CADPS2: variants seen among roughly 807,000 people sequenced by gnomAD.
CADPS2 encodes the protein calcium dependent secretion activator 2.
Under a neutral mutation model 172.5 loss-of-function variants are expected in CADPS2, and 93 were observed. That is an observed-to-expected ratio of 0.54 (90% CI 0.46 to 0.64). The LOEUF is 0.64. Ranked by LOEUF, CADPS2 falls within the 30% of genes least tolerant of loss-of-function variation. The pLI is 0.00. For missense variants in CADPS2, 1,420 were observed against 1,565.9 expected (o/e 0.91, Z 1.57); for synonymous variants, 546 against 555.2 (o/e 0.98, Z 0.23).
In CADPS2 at chr7:122,800,095, A is replaced by C. The variant is rs555642536; in HGVS notation, c.340-63027T>G. On this transcript the variant is annotated intron_variant, in intron 1 of 29. Transcript: ENST00000449022. ...CAAGTGGAAAAGTAGCATTTACATAAAAGATATTATTTTACTATCTACTAG... is the reference window on the plus strand; with the variant it reads ...CAAGTGGAAAAGTAGCATTTACATACAAGATATTATTTTACTATCTACTAG... 7.2e-5 allele frequency among the ~76,000 whole-genome samples: 11 copies of C among 152,354 alleles called. No homozygotes were observed. In the East Asian group the frequency reaches 1.9e-3, roughly 27 times the overall value.
Position 122,490,095 on chromosome 7 carries a change from G to T in CADPS2, c.1838C>A (p.Ala613Glu). 6.2e-7 allele frequency: 1 copy of T among 1,613,214 alleles called. No individual in the cohort carries two copies. The highest frequency in any genetic ancestry group is 1.1e-5 in the South Asian group (1 of 91,068). ...ACAAAACTTACAAAGCTGAGCATCT[G>T]CATGGAGAGTTCCTCCTTTAGGATT... is the stretch of plus-strand genomic sequence containing the variant. ...KLNPKGGTLH[A>E]DAQLSGKDAD... Residue 613 changes from alanine (A) to glutamate (E), a missense_variant, in exon 11 of 30, where the codon GCA (alanine) becomes GAA (glutamate). By Grantham distance (107) the Ala-to-Glu change is moderately radical. Transcript: ENST00000449022.
chr7:122,733,797 T>C (rs1173308862), intron 2 of CADPS2, among the ~76,000 whole-genome samples: 1 of 152,016 alleles, frequency 6.6e-6, no homozygotes, highest in East Asian at 1.9e-4. Flanking sequence ...TTTATTTGCA[T>C]AAGTGGACCT....
intron 6 of CADPS2, among the ~76,000 whole-genome samples, chr7:122,614,714 G>A (rs969246909): frequency 6.6e-5 from 10 of 152,120 alleles, no homozygotes; most frequent in East Asian, 1.9e-4. Flanking sequence ...TGCGGTAGTC[G>A]TACATTAACT....
At chr7:122,790,559 A>AACAGGAACT (rs1449372494) in intron 1 of CADPS2, among the ~76,000 whole-genome samples, 9 of 152,188 alleles carry the variant, frequency 5.9e-5, no homozygotes, top group Non-Finnish European at 1.3e-4. Context: ...ATAAATTTAA[A>AACAGGAACT]ACAGGAACTA....
chr7:122,720,654 T>A (rs750088618), intron 2 of CADPS2, among the ~76,000 whole-genome samples: 2 of 150,926 alleles, frequency 1.3e-5, no homozygotes, highest in Admixed American at 6.6e-5. Flanking sequence ...AGAGCGAGAG[T>A]GAGAGCCCGT....
intron 1 of CADPS2, among the ~76,000 whole-genome samples, chr7:122,774,277 C>T (rs1374401388): frequency 1.1e-5 from 1 of 92,120 alleles, no homozygotes; most frequent in African/African-American, 5.0e-5. Context: ...TATACACACA[C>T]ACACACACAC....
At chr7:122,623,236 T>A (rs1278144541) in intron 4 of CADPS2, among the ~76,000 whole-genome samples, 2 of 34,752 alleles carry the variant, frequency 5.8e-5, no homozygotes, top group African/African-American at 2.4e-4. Context: ...TTTCCTTTAG[T>A]GGGGCGGGGG....
chr7:122,551,175 T>C (rs531634090), intron 8 of CADPS2, among the ~76,000 whole-genome samples: 3 of 152,232 alleles, frequency 2.0e-5, no homozygotes, highest in South Asian at 4.1e-4. Flanking sequence ...CTAAACACCA[T>C]TTATTTCATT....
chr7:122,794,716 G>A (rs1309978598), intron 1 of CADPS2, among the ~76,000 whole-genome samples: 1 of 146,898 alleles, frequency 6.8e-6, no homozygotes, highest in Non-Finnish European at 1.5e-5. Flanking sequence ...ATAATCAGAA[G>A]TAAAACACTC....
At chr7:122,588,810 T>G (rs1261369018) in intron 6 of CADPS2, among the ~76,000 whole-genome samples, 2 of 151,934 alleles carry the variant, frequency 1.3e-5, no homozygotes, top group Non-Finnish European at 2.9e-5. Context: ...TTTCATTGAC[T>G]CATATTTGGT....
chr7:122,858,136 GATTGGTCCATTTTACATAGTGCCA>G (rs1159346173), intron 1 of CADPS2, among the ~76,000 whole-genome samples: 6 of 152,148 alleles, frequency 3.9e-5, no homozygotes, highest in South Asian at 2.1e-4. Context: ...ACAGAGTGCC[GATTGGTCCATTTTACATAGTGCCA>G]ATTGGTCCAT....
At chr7:122,768,562 T>G (rs1044394518) in intron 1 of CADPS2, among the ~76,000 whole-genome samples, 2 of 152,246 alleles carry the variant, frequency 1.3e-5, no homozygotes, top group Non-Finnish European at 2.9e-5. Context: ...ACAAAGAGGA[T>G]TCTGACTTTC....
rs558421546 is a variant in CADPS2, at chr7:122,734,356, TAAAAAAAAAAAAAAAA to T, written c.453+2583_453+2598del. On this transcript the variant is annotated intron_variant, in intron 2 of 29. Transcript: ENST00000449022. ...AATAACGATAGCATGCCAGAAATAG[TAAAAAAAAAAAAAAAA>T]AAAAAAAAAAAAAAGAAAAAAAAAA... Among the ~76,000 whole-genome samples, 208 of 46,294 alleles carry T rather than the reference TAAAAAAAAAAAAAAAA, an allele frequency of 4.5e-3. 1 individual carries two copies. The highest frequency in any genetic ancestry group is 6.1e-3 in the Non-Finnish European group (167 of 27,254). 30.4% of individuals were successfully genotyped at this position (46,294 alleles called of 152,430 possible).
At chr7:122,875,236 T>C (rs1290364888) in intron 1 of CADPS2, among the ~76,000 whole-genome samples, 1 of 152,212 alleles carries the variant, frequency 6.6e-6, no homozygotes, top group Admixed American at 6.5e-5. Context: ...TCAATCTCTC[T>C]GATAAACTCC....
chr7:122,458,100 T>A (rs2054007340), intron 14 of CADPS2, among the ~76,000 whole-genome samples: 1 of 152,180 alleles, frequency 6.6e-6, no homozygotes, highest in African/African-American at 2.4e-5. Context: ...CTGCTTCTGC[T>A]ACGAGGAATG....
intron 2 of CADPS2, chr7:122,676,639 T>C: frequency 6.8e-7 from 1 of 1,473,186 alleles, no homozygotes; most frequent in Non-Finnish European, 9.4e-7. Context: ...TCAGCTCAAG[T>C]ACCATCTGGA....
chr7:122,393,623 A>G (rs764647855), intron 20 of CADPS2, 41 bp from the exon 21 acceptor site: 40 of 1,609,400 alleles, frequency 2.5e-5, no homozygotes, highest in Non-Finnish European at 3.1e-5. Context: ...CAGAGGGATA[A>G]TATCAGACAT....
chr7:122,828,183 T>C (rs1367115977), intron 1 of CADPS2, among the ~76,000 whole-genome samples: 1 of 152,200 alleles, frequency 6.6e-6, no homozygotes, highest in Non-Finnish European at 1.5e-5. Context: ...CTAGAACTAG[T>C]ATCTCTAATA....
chr7:122,627,016 G>T (rs1466435326), intron 4 of CADPS2, among the ~76,000 whole-genome samples: 1 of 152,160 alleles, frequency 6.6e-6, no homozygotes, highest in Non-Finnish European at 1.5e-5. Context: ...GTGGGAGGGG[G>T]TGTTCCTGAA....
Sources: allele counts gnomAD v4.1 joint callset (sites outside exome capture counted in the v4.1 genomes callset), GRCh38; gene constraint gnomAD v4.1.1; transcripts MANE v1.5; gene names NCBI Gene and HGNC (gene_info 2026-07-23, HGNC 2026-07-21).